SLC17A4: variants seen among roughly 807,000 people sequenced by gnomAD.
SLC17A4 encodes the protein solute carrier family 17 member 4.
A neutral mutation model predicts 52.5 loss-of-function variants in SLC17A4; 33 were observed. The observed-to-expected ratio is 0.63, with a 90% confidence interval of 0.48 to 0.84. The LOEUF (loss-of-function observed/expected upper bound fraction) is 0.84, where lower values mean the gene tolerates loss of function less well. Ranked by LOEUF, SLC17A4 falls within the 40% of genes least tolerant of loss-of-function variation. SLC17A4 has a pLI of 0.00. For missense variants in SLC17A4, 585 were observed against 597.1 expected, an observed-to-expected ratio of 0.98 and a Z score of 0.21; for synonymous variants, 225 against 216.2, an observed-to-expected ratio of 1.04 and a Z score of -0.36.
rs769371509 is a variant in SLC17A4, at chr6:25,779,086, G to T, written c.1392G>T (p.Leu464Phe). ...AGTTTGGTTGGAGAAATGTCTTCTT[G>T]CTTTCAGCTGCTGTTAACATATCGG... ...DSEFGWRNVF[L>F]LSAAVNISGL... The change falls in exon 12 of 12, where the codon TTG becomes TTT. Residue 464 changes from leucine (L) to phenylalanine (F), a missense_variant. By Grantham distance (22) the Leu-to-Phe change is conservative. Transcript: ENST00000377905. 6.2e-7 allele frequency: 1 copy of T among 1,613,842 alleles called. No homozygotes were observed. Among genetic ancestry groups the T allele is most frequent in the South Asian group, 1.1e-5 (1 of 91,070 alleles).
intron 2 of SLC17A4, among the ~76,000 whole-genome samples, chr6:25,768,041 C>T (rs1762164907): frequency 6.6e-6 from 1 of 152,162 alleles, no homozygotes; most frequent in Non-Finnish European, 1.5e-5. Flanking sequence ...CTCTTCTTGA[C>T]TAGAAGACAA....
rs754813602 is a variant in SLC17A4, at chr6:25,775,341, AT to A, written c.988-1253del. Among the ~76,000 whole-genome samples, 1,278 of 149,460 alleles carry A rather than the reference AT, an allele frequency of 8.6e-3. 20 individuals are homozygous for A. Among genetic ancestry groups the A allele is most frequent in the African/African-American group, 0.029 (1,168 of 40,770 alleles). Reference sequence around the variant, plus strand: ...GAGCTAAACTCTGTCTAAAAAAAAAATAGAAAGACTGAAAAATCTTTCTTTC... The same window carrying A: ...GAGCTAAACTCTGTCTAAAAAAAAAAAGAAAGACTGAAAAATCTTTCTTTC... On this transcript the variant is annotated intron_variant, in intron 8 of 11. Coordinates refer to ENST00000377905, the MANE Select transcript of SLC17A4 (RefSeq NM_005495.3).
At position 25,773,269 on chromosome 6, in the gene SLC17A4, T is replaced by C. The variant is rs899874919; in HGVS notation, c.707-6T>C. ...ATCCAGTGCTAACTGGATCCCCTTT[T>C]CCTAGGAGGAATTGGCTGTGCTTGT... On this transcript the variant is annotated splice_polypyrimidine_tract_variant and splice_region_variant and intron_variant, in intron 6 of 11. Transcript: ENST00000377905. The C allele has an allele frequency of 2.5e-6, 4 of 1,610,762 alleles. No homozygotes were observed. The highest frequency in any genetic ancestry group is 3.4e-6 in the Non-Finnish European group (4 of 1,176,938).
chr6:25,775,456 GACA>G (rs1350164726), intron 8 of SLC17A4, among the ~76,000 whole-genome samples: 1 of 151,642 alleles, frequency 6.6e-6, no homozygotes, highest in African/African-American at 2.4e-5. Flanking sequence ...TTTCTTTTGA[GACA>G]ACGTCTCACT....
rs1365941201 is a variant in SLC17A4 at position 25,780,247 on chromosome 6, A to C, written c.*1059A>C. On this transcript the variant is annotated 3_prime_UTR_variant, in exon 12 of 12. Transcript: ENST00000377905. ...TTGTGTGGATGGCAGAAATCAAATCATACACAGTATTAAGGAGTTCAGTGT... is the reference window on the plus strand; with the variant it reads ...TTGTGTGGATGGCAGAAATCAAATCCTACACAGTATTAAGGAGTTCAGTGT... 1 of 152,238 alleles carries C rather than the reference A, an allele frequency of 6.6e-6. No individual in the cohort carries two copies. Among genetic ancestry groups the C allele is most frequent in the African/African-American group, 2.4e-5 (1 of 41,466 alleles). 9.4% of individuals were successfully genotyped at this position (152,238 alleles called of 1,614,324 possible). A position where few individuals can be genotyped will look rare whatever the true frequency, so the allele number is the denominator to read the frequency against.
chr6:25,755,561 A>T (rs1011736387), intron 1 of SLC17A4, among the ~76,000 whole-genome samples: 4 of 64,254 alleles, frequency 6.2e-5, no homozygotes, highest in Admixed American at 1.5e-4. Context: ...AGACACAAGC[A>T]GTCTTGGCAA....
chr6:25,755,584 A>T (rs1292464156), intron 1 of SLC17A4, among the ~76,000 whole-genome samples: 1 of 152,222 alleles, frequency 6.6e-6, no homozygotes, highest in Non-Finnish European at 1.5e-5. Context: ...AAAACTGATG[A>T]GAAATTGATA....
At chr6:25,768,332 A>G (rs1397579099) in intron 2 of SLC17A4, 1 of 980,286 alleles carries the variant, frequency 1.0e-6, no homozygotes, top group Non-Finnish European at 1.2e-6. Context: ...GGATTTCTCT[A>G]CAGGGATAGT....
At chr6:25,755,369 G>A (rs1444486520) in intron 1 of SLC17A4, among the ~76,000 whole-genome samples, 1 of 152,114 alleles carries the variant, frequency 6.6e-6, no homozygotes, top group African/African-American at 2.4e-5. Context: ...GACTTTATTT[G>A]CAAACTGTGA....
At chr6:25,777,824 AC>A in intron 10 of SLC17A4, 101 bp from the exon 11 acceptor site, 1 of 905,216 alleles carries the variant, frequency 1.1e-6, no homozygotes. Flanking sequence ...GCTGATATTA[AC>A]CCTTTGTTTG....
intron 3 of SLC17A4, 104 bp downstream of exon 3, chr6:25,769,294 T>G (rs1369769517): frequency 1.2e-5 from 13 of 1,076,922 alleles, no homozygotes; most frequent in Non-Finnish European, 1.7e-5. Flanking sequence ...TTACTGAACA[T>G]GTACTATGTG....
chr6:25,756,537 C>T (rs535324668), intron 1 of SLC17A4, among the ~76,000 whole-genome samples: 5 of 152,240 alleles, frequency 3.3e-5, no homozygotes, highest in African/African-American at 1.2e-4. Flanking sequence ...AACTTTCTCG[C>T]AGGTGTACTG....
chr6:25,763,329 C>T lies in SLC17A4; in HGVS notation c.91+1276C>T, dbSNP rs3799341. ...CTCATCCTGTTTTGGTAGTCTCATC[C>T]TACCTAATAAGGCAGAACCCCAGCT... On this transcript the variant is annotated intron_variant, in intron 2 of 11. Coordinates refer to ENST00000377905, the MANE Select transcript of SLC17A4 (RefSeq NM_005495.3). Among the ~76,000 whole-genome samples the T allele has an allele frequency of 8.7e-3, 1,325 of 152,304 alleles. 27 individuals are homozygous for T. Among genetic ancestry groups the T allele is most frequent in the East Asian group, 0.066 (343 of 5,186 alleles).
At position 25,780,417 on chromosome 6, in the gene SLC17A4, G is replaced by A. The variant is rs375884644; in HGVS notation, c.*1229G>A. 6.6e-6 allele frequency: 1 copy of A among 152,242 alleles called. No homozygotes were observed. Among genetic ancestry groups the A allele is most frequent in the Non-Finnish European group, 1.5e-5 (1 of 68,056 alleles). The allele number at this position is 152,242 out of a possible 1,614,324, so 9.4% of individuals were successfully genotyped here. A position where few individuals can be genotyped will look rare whatever the true frequency, so the allele number is the denominator to read the frequency against. On this transcript the variant is annotated 3_prime_UTR_variant, in exon 12 of 12. Transcript: ENST00000377905. ...TGTAAGGAAGGGCCACCCCTGCAAA[G>A]TTTCAGCTGAGCTGGGATCTGAAGG...
intron 6 of SLC17A4, 129 bp downstream of exon 6, chr6:25,771,141 T>C (rs1762447407): frequency 1.4e-5 from 10 of 740,328 alleles, no homozygotes; most frequent in South Asian, 1.3e-4. Context: ...CAGAGCCAAC[T>C]ACATTTAACA....
rs113061356 is a variant in SLC17A4, at chr6:25,768,814, C to A, written c.92-171C>A. Among the ~76,000 whole-genome samples the A allele has an allele frequency of 2.0e-5, 3 of 152,302 alleles. No individual in the cohort carries two copies. The East Asian group carries it at 5.8e-4, about 29-fold the overall frequency. The stretch of plus-strand genomic sequence containing the variant: ...AGAAATGTTTCTGAGGGAGCCACCT[C>A]CCCCATTACCTCCCAGGGGAACAAA... On this transcript the variant is annotated intron_variant, in intron 2 of 11. Transcript: ENST00000377905.
chr6:25,765,398 T>G (rs1761926923), intron 2 of SLC17A4, among the ~76,000 whole-genome samples: 2 of 152,230 alleles, frequency 1.3e-5, no homozygotes, highest in Admixed American at 1.3e-4. Context: ...CACAGAGGGA[T>G]GAAGTAACAC....
chr6:25,770,875 A>G (rs1380618132), intron 5 of SLC17A4, 51 bp from the exon 6 acceptor site: 1 of 1,399,052 alleles, frequency 7.1e-7, no homozygotes, highest in Admixed American at 1.7e-5. Context: ...AAGCACATAG[A>G]GCCCCAAGAC....
Position 25,775,038 on chromosome 6 carries a change from A to G in SLC17A4, c.987+1364A>G, listed in dbSNP as rs535704474. Among the ~76,000 whole-genome samples the G allele has an allele frequency of 3.9e-5, 6 of 152,184 alleles. No individual in the cohort carries two copies. In the East Asian group the frequency reaches 7.7e-4, roughly 20 times the overall value. On this transcript the variant is annotated intron_variant, in intron 8 of 11. Transcript: ENST00000377905. Reference sequence around the variant, plus strand: ...TCAACATTTTAAAAACTATATTGAAACATAGAGTGGGTCAGGTGTGGTGGC... The same window carrying G: ...TCAACATTTTAAAAACTATATTGAAGCATAGAGTGGGTCAGGTGTGGTGGC...
Sources: gnomAD v4.1 joint callset for allele counts (sites outside exome capture counted in the v4.1 genomes callset) on GRCh38, gnomAD v4.1.1 for gene constraint, MANE v1.5 for transcripts, NCBI Gene and HGNC (gene_info 2026-07-23, HGNC 2026-07-21) for gene names.